The following ASAP2 variants were observed in gnomAD, a reference collection of about 807,000 sequenced individuals.
ASAP2 encodes the protein ArfGAP with SH3 domain, ankyrin repeat and PH domain 2, also known as arf-GAP with SH3 domain, ANK repeat and PH domain-containing protein 2.
In ASAP2, 45 loss-of-function variants were observed where a neutral mutation model predicts 131.4. The observed-to-expected ratio is 0.34, with a 90% CI of 0.27 to 0.44. ASAP2 has a LOEUF of 0.44. ASAP2 is among the 20% of genes least tolerant of loss of function. The probability of loss-of-function intolerance (pLI) is 1.00; values close to 1 mark genes in which losing one functional copy is unlikely to be tolerated. For synonymous variants in ASAP2, 510 were observed against 503.0 expected (o/e 1.01, Z -0.19); for missense variants, 1,011 against 1,297.0 (o/e 0.78, Z 3.39).
At chr2:9,213,736 GC>G (rs1168326335) in intron 1 of ASAP2, among the ~76,000 whole-genome samples, 1 of 152,138 alleles carries the variant, frequency 6.6e-6, no homozygotes, top group Non-Finnish European at 1.5e-5. Flanking sequence ...TAGAACTCCT[GC>G]CCCAAACAGG....
rs74704189 is a variant in ASAP2 at position 9,224,538 on chromosome 2, C to T, written c.126+17308C>T. Among the ~76,000 whole-genome samples, 279 of 152,232 alleles carry T rather than the reference C, an allele frequency of 1.8e-3. 1 individual carries two copies. The highest frequency in any genetic ancestry group is 6.2e-3 in the African/African-American group (258 of 41,538). ...TTTTGGTTTGCAAAATCAAGGTTGT[C>T]GTGTCATCCTTTGAAACAATTAGAG... On this transcript the variant is annotated intron_variant, in intron 1 of 27. Transcript: ENST00000281419.
At chr2:9,387,156 G>A (rs1675338511) in intron 21 of ASAP2, among the ~76,000 whole-genome samples, 2 of 148,692 alleles carry the variant, frequency 1.3e-5, no homozygotes, top group Non-Finnish European at 2.9e-5. Flanking sequence ...GGAGCTTGCA[G>A]TGAGCTGGGA....
chr2:9,326,393 C>G (rs1267050114), intron 6 of ASAP2, among the ~76,000 whole-genome samples: 1 of 152,104 alleles, frequency 6.6e-6, no homozygotes, highest in African/African-American at 2.4e-5. Context: ...AGCTATGGAG[C>G]CCTTTCTTCA....
rs1669302483 is a variant in ASAP2, at chr2:9,311,588, A to C, written c.346-6936A>C. Among the ~76,000 whole-genome samples the C allele has an allele frequency of 1.3e-5, 2 of 152,224 alleles. 1 individual carries two copies. Among genetic ancestry groups the C allele is most frequent in the South Asian group, 4.1e-4 (2 of 4,836 alleles). On this transcript the variant is annotated intron_variant, in intron 3 of 27. Transcript: ENST00000281419. The surrounding 1 kb of genome is among the most constrained non-coding windows in gnomAD (Gnocchi z 5.2). ...GATAATGTAATTCTTCCCATAGAGCATGAAAATGTCATTACTCATAAATTG... is the reference window on the plus strand; with the variant it reads ...GATAATGTAATTCTTCCCATAGAGCCTGAAAATGTCATTACTCATAAATTG...
chr2:9,208,971 C>G (rs1242581194), intron 1 of ASAP2, among the ~76,000 whole-genome samples: 6 of 151,458 alleles, frequency 4.0e-5, no homozygotes, highest in South Asian at 4.2e-4. Flanking sequence ...GAAAGCCAAG[C>G]AAACAAGAAT....
Position 9,392,406 on chromosome 2 carries a change from T to C in ASAP2, c.2519-1076T>C, listed in dbSNP as rs185919440. Among the ~76,000 whole-genome samples the C allele has an allele frequency of 5.4e-4, 83 of 152,334 alleles. No individual in the cohort carries two copies. The highest frequency in any genetic ancestry group is 1.9e-3 in the African/African-American group (81 of 41,580). On this transcript the variant is annotated intron_variant, in intron 23 of 27. Transcript: ENST00000281419. This position sits in a 1 kb window ranked among gnomAD's most constrained non-coding sequence, Gnocchi z 4.0. ...ATTCTAGAGCCGAGGTGCTCGTGAC[T>C]TCCTTAGAGTAAGTTAAAATTAAAA...
rs757978691 is a variant in ASAP2, at chr2:9,379,036, G to C, written c.1925G>C (p.Arg642Pro). ...GCCGAGTGCCTCAAGTTGCTCCTGC[G>C]GGGGAAGGCCTCCATCGAGATAGGT... ...DNAECLKLLL[R>P]GKASIEIANE... Residue 642 changes from arginine to proline, a missense_variant, in exon 19 of 28, where the codon CGG becomes CCG. By Grantham distance (103) the Arg-to-Pro change is moderately radical. Around this residue, in one of 2 missense-constraint regions of ASAP2, gnomAD observed 652 missense variants for 698.9 expected, o/e 0.93. Coordinates refer to ENST00000281419, the MANE Select transcript of ASAP2 (RefSeq NM_003887.3). 26 of 1,572,894 alleles carry C rather than the reference G, an allele frequency of 1.7e-5. No individual in the cohort carries two copies. Among genetic ancestry groups the C allele is most frequent in the Non-Finnish European group, 2.2e-5 (25 of 1,158,574 alleles).
intron 16 of ASAP2, among the ~76,000 whole-genome samples, chr2:9,371,150 A>G (rs1380138484): frequency 6.6e-6 from 1 of 152,206 alleles, no homozygotes. Context: ...CAGCCTTGGC[A>G]CTGTTGAAAA....
intron 1 of ASAP2, among the ~76,000 whole-genome samples, chr2:9,208,132 T>C (rs34463422): frequency 0.25 from 38,320 of 152,034 alleles, 5,171 homozygotes; most frequent in Non-Finnish European, 0.29. Flanking sequence ...TCCTTACCCA[T>C]CAAACGGGAT....
intron 8 of ASAP2, 49 bp downstream of exon 8, chr2:9,334,862 G>A (rs1671093376): frequency 1.3e-6 from 2 of 1,553,398 alleles, no homozygotes; most frequent in Admixed American, 1.7e-5. Flanking sequence ...TAATGCAACA[G>A]ACATTTTCAT....
At position 9,279,517 on chromosome 2, in the gene ASAP2, A is replaced by G. The variant is rs1666988999; in HGVS notation, c.199+128A>G. 5 of 821,636 alleles carry G rather than the reference A, an allele frequency of 6.1e-6. No homozygotes were observed. In the African/African-American group the frequency reaches 8.6e-5, roughly 14 times the overall value. The allele number at this position is 821,636 out of a possible 1,614,324, so 50.9% of individuals were successfully genotyped here. A position where few individuals can be genotyped will look rare whatever the true frequency, so the allele number is the denominator to read the frequency against. ...TCCTTTATCGGGGCATGCAGATCAC[A>G]GAGGTGAGCTGGGATGTTTCTTTTT... On this transcript the variant is annotated intron_variant, in intron 2 of 27. Transcript: ENST00000281419.
chr2:9,261,137 C>G (rs993978639), intron 1 of ASAP2, among the ~76,000 whole-genome samples: 1 of 152,170 alleles, frequency 6.6e-6, no homozygotes, highest in Non-Finnish European at 1.5e-5. Flanking sequence ...TAGCAGCCCC[C>G]TTGCCTGTAG....
In ASAP2 at chr2:9,404,743, T is replaced by C. The variant is rs2148848626; in HGVS notation, c.*1416T>C. The C allele has an allele frequency of 6.5e-6, 1 of 152,718 alleles. No individual in the cohort carries two copies. The highest frequency in any genetic ancestry group is 3.4e-3 in the Middle Eastern group (1 of 294). 9.5% of individuals were successfully genotyped at this position (152,718 alleles called of 1,614,324 possible). On this transcript the variant is annotated 3_prime_UTR_variant, in exon 28 of 28. Transcript: ENST00000281419. ...TTATGCAAGACTGTGTAGAGTTTTT[T>C]TTTTTTTTGGCATTGTACTTTTTGT...
At chr2:9,248,898 T>A (rs1175318753) in intron 1 of ASAP2, among the ~76,000 whole-genome samples, 1 of 152,212 alleles carries the variant, frequency 6.6e-6, no homozygotes, top group African/African-American at 2.4e-5. Context: ...GCTCTGTGTC[T>A]ACCTGTCATG....
chr2:9,380,726 G>C lies in ASAP2; in HGVS notation c.1949-15G>C. On this transcript the variant is annotated splice_polypyrimidine_tract_variant and intron_variant, in intron 19 of 27. Coordinates refer to ENST00000281419, the MANE Select transcript of ASAP2 (RefSeq NM_003887.3). ...TTTTGCCTTAACGCCTCCTTTGCTC[G>C]CCCTTGAATTTTAGCAAACGAGTCA... 1 of 1,613,982 alleles carries C rather than the reference G, an allele frequency of 6.2e-7. No homozygotes were observed. The highest frequency in any genetic ancestry group is 8.5e-7 in the Non-Finnish European group (1 of 1,179,922).
At chr2:9,356,471 T>G in intron 14 of ASAP2, 126 bp downstream of exon 14, 1 of 1,133,928 alleles carries the variant, frequency 8.8e-7, no homozygotes, top group South Asian at 1.7e-5. Context: ...CAGCCTGAGT[T>G]CATCCCATTA....
chr2:9,312,577 T>G (rs1008533251), intron 3 of ASAP2, among the ~76,000 whole-genome samples: 2 of 152,224 alleles, frequency 1.3e-5, no homozygotes, highest in Non-Finnish European at 2.9e-5. Context: ...GGAAGTTCCA[T>G]GATGTCTCAG....
intron 9 of ASAP2, 71 bp from the exon 10 acceptor site, chr2:9,344,461 C>T: frequency 7.5e-7 from 1 of 1,331,440 alleles, no homozygotes; most frequent in Non-Finnish European, 1.1e-6. Context: ...GCATAAGTTT[C>T]CTTTGTGTAC....
Position 9,377,003 on chromosome 2 carries a change from C to G in ASAP2, c.1832+10C>G, listed in dbSNP as rs1286168199. On this transcript the variant is annotated intron_variant, in intron 18 of 27. Transcript: ENST00000281419. ...TTTTAGTTCAGAACAGGTAGGTGTT[C>G]TGAAATTAAGGGAGGCACTCGTTTT... 1.2e-6 allele frequency: 2 copies of G among 1,609,050 alleles called. No individual in the cohort carries two copies. Among genetic ancestry groups the G allele is most frequent in the Non-Finnish European group, 1.7e-6 (2 of 1,176,406 alleles).
Sources: gnomAD v4.1 joint callset for allele counts (sites outside exome capture counted in the v4.1 genomes callset) on GRCh38, gnomAD v4.1.1 for gene constraint, gnomAD v4.1.1 regional missense constraint, Gnocchi (gnomAD v3.1) non-coding constraint, MANE v1.5 for transcripts, NCBI Gene and HGNC (gene_info 2026-07-23, HGNC 2026-07-21) for gene names.